Variants in RPS2 observed in about 807,000 individuals in gnomAD.
RPS2 encodes ribosomal protein S2, also known as small ribosomal subunit protein uS5.
RPS2 carries 8 observed loss-of-function variants against 25.3 expected under a neutral mutation model. That is an observed-to-expected ratio of 0.32 (90% CI 0.19 to 0.57). RPS2 has a LOEUF of 0.57. Ranked by LOEUF, RPS2 falls within the 20% of genes least tolerant of loss-of-function variation. The probability of loss-of-function intolerance (pLI) is 0.90; values close to 1 mark genes in which losing one functional copy is unlikely to be tolerated. For synonymous variants in RPS2, 181 were observed against 161.3 expected (o/e 1.12, Z -0.92); for missense variants, 229 against 408.1 (o/e 0.56, Z 3.78).
chr16:1,962,937 G>T, intron 4 of RPS2, 28 bp from the exon 5 acceptor site: 1 of 1,596,968 alleles, frequency 6.3e-7, no homozygotes, highest in South Asian at 1.1e-5. Flanking sequence ...TGAGGCAGCT[G>T]GTGGCCCTAC....
In RPS2 at chr16:1,964,696, A is replaced by G. The variant is rs569707985; in HGVS notation, c.-3-68T>C. 6 of 878,822 alleles carry G rather than the reference A, an allele frequency of 6.8e-6. No individual in the cohort carries two copies. In the African/African-American group the frequency reaches 1.1e-4, roughly 16 times the overall value. The allele number at this position is 878,822 out of a possible 1,614,324, so 54.4% of individuals were successfully genotyped here. A position where few individuals can be genotyped will look rare whatever the true frequency, so the allele number is the denominator to read the frequency against. ...CATCTGGCAGCCCCCCGCGAGACCC[A>G]GACAAGGGCTCCCGCCCAGGAGCGC... On this transcript the variant is annotated intron_variant, in intron 1 of 6. Transcript: ENST00000343262.
chr16:1,963,264 A>C lies in RPS2; in HGVS notation c.268-8T>G, dbSNP rs1202136319. 6.7e-7 allele frequency: 1 copy of C among 1,487,544 alleles called. No individual in the cohort carries two copies. The highest frequency in any genetic ancestry group is 9.1e-7 in the Non-Finnish European group (1 of 1,099,178). The allele number at this position is 1,487,544 out of a possible 1,614,324, so 92.1% of individuals were successfully genotyped here. ...ATCAATGATCTCTGATTCCTGAAAC[A>C]AACAAGAAAATTGTAGGGAGAGCAT... On this transcript the variant is annotated splice_polypyrimidine_tract_variant and splice_region_variant and intron_variant, in intron 3 of 6. Coordinates refer to ENST00000343262, the MANE Select transcript of RPS2 (RefSeq NM_002952.4).
chr16:1,964,637 A>G lies in RPS2; in HGVS notation c.-3-9T>C, dbSNP rs928070733. ...GCGTCATCCGCCATTTGCTGGGAAA[A>G]GCGACAAGAAGGAACTAGTCAGTGT... On this transcript the variant is annotated splice_polypyrimidine_tract_variant and intron_variant, in intron 1 of 6. Coordinates refer to ENST00000343262, the MANE Select transcript of RPS2 (RefSeq NM_002952.4). 5 of 1,382,648 alleles carry G rather than the reference A, an allele frequency of 3.6e-6. No individual in the cohort carries two copies. The highest frequency in any genetic ancestry group is 2.3e-5 in the Admixed American group (1 of 43,126). 85.6% of individuals were successfully genotyped at this position (1,382,648 alleles called of 1,614,324 possible). A position where few individuals can be genotyped will look rare whatever the true frequency, so the allele number is the denominator to read the frequency against.
intron 5 of RPS2, 28 bp downstream of exon 5, chr16:1,962,708 G>A: frequency 6.3e-7 from 1 of 1,589,290 alleles, no homozygotes; most frequent in Non-Finnish European, 8.6e-7. Flanking sequence ...CTGCCCCACG[G>A]CAGGCCCATC....
intron 3 of RPS2, chr16:1,963,857 A>G (rs755261414): frequency 9.0e-6 from 4 of 442,470 alleles, no homozygotes; most frequent in South Asian, 6.4e-5. Flanking sequence ...GAACGCTCAC[A>G]TGACAAATAT....
intron 5 of RPS2, 23 bp downstream of exon 5, chr16:1,962,713 C>T (rs1228415346): frequency 7.5e-6 from 12 of 1,590,296 alleles, no homozygotes; most frequent in South Asian, 1.1e-5. Flanking sequence ...CCACGGCAGG[C>T]CCATCACCTG....
At position 1,962,729 on chromosome 16, in the gene RPS2, A is replaced by C. The variant is rs771439333; in HGVS notation, c.549+7T>G. 6.9e-6 allele frequency: 11 copies of C among 1,597,786 alleles called. No homozygotes were observed. Among genetic ancestry groups the C allele is most frequent in the Non-Finnish European group, 8.5e-6 (10 of 1,172,326 alleles). On this transcript the variant is annotated splice_region_variant and intron_variant, in intron 5 of 6. Coordinates refer to ENST00000343262, the MANE Select transcript of RPS2 (RefSeq NM_002952.4). Reference sequence around the variant, plus strand: ...CACGGCAGGCCCATCACCTGCCACCAGCCTACCTTGCAAGGGACAGTGTGG... The same window carrying C: ...CACGGCAGGCCCATCACCTGCCACCCGCCTACCTTGCAAGGGACAGTGTGG...
intron 3 of RPS2, chr16:1,963,756 C>A (rs1471174509): frequency 4.4e-6 from 2 of 451,574 alleles, no homozygotes; most frequent in East Asian, 1.4e-4. Flanking sequence ...TGCCCTTTTT[C>A]TCTTGTTTGG....
At position 1,964,079 on chromosome 16, in the gene RPS2, T is replaced by A. The variant is rs2083284320; in HGVS notation, c.267+197A>T. The A allele has an allele frequency of 1.4e-5, 8 of 591,718 alleles. No individual in the cohort carries two copies. In the East Asian group the frequency reaches 2.3e-4, roughly 17 times the overall value. 36.7% of individuals were successfully genotyped at this position (591,718 alleles called of 1,614,324 possible). ...GGAAGATGCGCTGAAATGCCTTTTGTGGCTCTGGCTTCGCTCAGGTATCCA... is the reference window on the plus strand; with the variant it reads ...GGAAGATGCGCTGAAATGCCTTTTGAGGCTCTGGCTTCGCTCAGGTATCCA... On this transcript the variant is annotated intron_variant, in intron 3 of 6. Coordinates refer to ENST00000343262, the MANE Select transcript of RPS2 (RefSeq NM_002952.4).
Position 1,964,606 on chromosome 16 carries a change from G to T in RPS2, c.20C>A (p.Ala7Glu), listed in dbSNP as rs762654490. Residue 7 changes from alanine to glutamate, a missense_variant, in exon 2 of 7, where the codon GCA becomes GAA. Coordinates refer to ENST00000343262, the MANE Select transcript of RPS2 (RefSeq NM_002952.4). MADDAG[A>E]AGGPGGPGGP... ...ACCAGGGCCCCCGGGCCCCCCCGCT[G>T]CACCGGCGTCATCCGCCATTTGCTG... 1.1e-4 allele frequency: 172 copies of T among 1,513,540 alleles called. No individual in the cohort carries two copies. The highest frequency in any genetic ancestry group is 9.4e-5 in the Non-Finnish European group (107 of 1,133,084). The allele number at this position is 1,513,540 out of a possible 1,614,324, so 93.8% of individuals were successfully genotyped here. A position where few individuals can be genotyped will look rare whatever the true frequency, so the allele number is the denominator to read the frequency against.
At position 1,962,173 on chromosome 16, in the gene RPS2, G is replaced by A. The variant is rs1419565796; in HGVS notation, c.807C>T (p.Phe269=). 6.3e-7 allele frequency: 1 copy of A among 1,599,990 alleles called. No individual in the cohort carries two copies. Among genetic ancestry groups the A allele is most frequent in the Non-Finnish European group, 8.5e-7 (1 of 1,177,932 alleles). The change falls in exon 7 of 7, where the codon TTC becomes TTT. Residue 269 remains phenylalanine, a synonymous_variant. Coordinates refer to ENST00000343262, the MANE Select transcript of RPS2 (RefSeq NM_002952.4). ...TVFTKSPYQE[F]TDHLVKTHTR... ...TGTGGGTCTTGACGAGGTGGTCAGTGAACTCCTGATAGGGAGACTTGGTGA... is the reference window on the plus strand; with the variant it reads ...TGTGGGTCTTGACGAGGTGGTCAGTAAACTCCTGATAGGGAGACTTGGTGA...
In RPS2 at chr16:1,962,166, G is replaced by T. The variant is rs2083262019; in HGVS notation, c.814C>A (p.His272Asn). The T allele has an allele frequency of 6.3e-7, 1 of 1,598,024 alleles. No homozygotes were observed. The highest frequency in any genetic ancestry group is 1.7e-5 in the Admixed American group (1 of 58,296). ...TKSPYQEFTD[H>N]LVKTHTRVSV... is the part of the protein sequence containing the mutation. The stretch of plus-strand genomic sequence containing the variant: ...ACTCTGGTGTGGGTCTTGACGAGGT[G>T]GTCAGTGAACTCCTGATAGGGAGAC... The change falls in exon 7 of 7, where the codon CAC becomes AAC. Residue 272 changes from histidine (H) to asparagine (N), a missense_variant. This residue lies in a region of RPS2 where 32 missense variants were observed against 29.4 expected (regional missense o/e 1.09). Coordinates refer to ENST00000343262, the MANE Select transcript of RPS2 (RefSeq NM_002952.4).
rs986761236 is a variant in RPS2 at position 1,964,383 on chromosome 16, G to A, written c.178-18C>T. The A allele has an allele frequency of 1.7e-5, 28 of 1,613,208 alleles. No homozygotes were observed. Among genetic ancestry groups the A allele is most frequent in the Non-Finnish European group, 2.3e-5 (27 of 1,179,964 alleles). ...GGCATCCACTAAAGGGAGAAAAGGCGCCAGTGACCAGGACCGCTCTCCGGC... is the reference window on the plus strand; with the variant it reads ...GGCATCCACTAAAGGGAGAAAAGGCACCAGTGACCAGGACCGCTCTCCGGC... On this transcript the variant is annotated intron_variant, in intron 2 of 6. Transcript: ENST00000343262.
rs771116248 is a variant in RPS2, at chr16:1,964,659, G to C, written c.-3-31C>G. On this transcript the variant is annotated intron_variant, in intron 1 of 6. Transcript: ENST00000343262. ...AAAAGCGACAAGAAGGAACTAGTCA[G>C]TGTGGCCTACGCATCTGGCAGCCCC... 25 of 1,193,382 alleles carry C rather than the reference G, an allele frequency of 2.1e-5. No homozygotes were observed. The Admixed American group carries it at 5.9e-4, about 28-fold the overall frequency. 73.9% of individuals were successfully genotyped at this position (1,193,382 alleles called of 1,614,324 possible).
At position 1,962,140 on chromosome 16, in the gene RPS2, G is replaced by T. The variant is rs3175629; in HGVS notation, c.840C>A (p.Val280=). ...CTGGAGCCTGAGTCCGCTGCACGGA[G>T]ACTCTGGTGTGGGTCTTGACGAGGT... ...TDHLVKTHTR[V]SVQRTQAPAV... is the part of the protein sequence containing the mutation. The change falls in exon 7 of 7, where the codon GTC becomes GTA. Residue 280 remains valine (V), a synonymous_variant. Coordinates refer to ENST00000343262, the MANE Select transcript of RPS2 (RefSeq NM_002952.4). 2 of 1,581,330 alleles carry T rather than the reference G, an allele frequency of 1.3e-6. No individual in the cohort carries two copies. Among genetic ancestry groups the T allele is most frequent in the Non-Finnish European group, 1.7e-6 (2 of 1,171,668 alleles).
At chr16:1,963,365 C>T (rs1434878657) in intron 3 of RPS2, 109 bp from the exon 4 acceptor site, 1 of 686,248 alleles carries the variant, frequency 1.5e-6, no homozygotes, top group African/African-American at 1.8e-5. Flanking sequence ...AGCCTGTAAT[C>T]CCAGCACTTT....
At chr16:1,963,914 G>A (rs2083282650) in intron 3 of RPS2, 1 of 402,818 alleles carries the variant, frequency 2.5e-6, no homozygotes, top group Non-Finnish European at 4.9e-6. Flanking sequence ...GATGACAGCT[G>A]TCCCGTACAC....
Position 1,962,190 on chromosome 16 carries a change from A to G in RPS2, c.790T>C (p.Ser264Pro), listed in dbSNP as rs1051537930. Residue 264 changes from serine (S) to proline (P), a missense_variant, in exon 7 of 7, where the codon TCT becomes CCT. Ser to Pro is a moderately conservative substitution (Grantham distance 74). This residue lies in a region of RPS2 where 79 missense variants were observed against 159.0 expected (regional missense o/e 0.50). Coordinates refer to ENST00000343262, the MANE Select transcript of RPS2 (RefSeq NM_002952.4). ...TGGTCAGTGAACTCCTGATAGGGAG[A>G]CTTGGTGAATACAGTCTCCTTCCAG... ...DLWKETVFTK[S>P]PYQEFTDHLV... 15 of 1,603,548 alleles carry G rather than the reference A, an allele frequency of 9.4e-6. No homozygotes were observed. The highest frequency in any genetic ancestry group is 1.2e-5 in the Non-Finnish European group (14 of 1,178,182).
At chr16:1,964,254 C>CA (rs768207061) in intron 3 of RPS2, 22 bp downstream of exon 3, 23 of 1,586,340 alleles carry the variant, frequency 1.4e-5, no homozygotes, top group Non-Finnish European at 1.9e-5. Flanking sequence ...ACTTGCTCAA[C>CA]GCCCCAACGA....
Sources: gnomAD v4.1 joint callset for allele counts on GRCh38, gnomAD v4.1.1 for gene constraint, gnomAD v4.1.1 regional missense constraint, MANE v1.5 for transcripts, NCBI Gene and HGNC (gene_info 2026-07-23, HGNC 2026-07-21) for gene names.